The following DYNC2H1 variants were observed in gnomAD, a reference collection of about 807,000 sequenced individuals.
The protein encoded by DYNC2H1 is dynein cytoplasmic 2 heavy chain 1, also known as cytoplasmic dynein 2 heavy chain 1.
A neutral mutation model predicts 570.0 loss-of-function variants in DYNC2H1; 410 were observed. That is an observed-to-expected ratio of 0.72 (90% CI 0.66 to 0.78). The LOEUF is 0.78. Among genes scored for constraint, DYNC2H1 ranks in the 30% least tolerant of loss-of-function variants. The pLI, the probability that DYNC2H1 is intolerant of heterozygous loss-of-function variation, is 0.00. For missense variants in DYNC2H1, 4,865 were observed against 5,046.4 expected (o/e 0.96, Z 1.09); for synonymous variants, 1,688 against 1,677.6 (o/e 1.01, Z -0.15).
intron 79 of DYNC2H1, among the ~76,000 whole-genome samples, chr11:103,315,740 A>G (rs1937788679): frequency 6.6e-6 from 1 of 151,672 alleles, no homozygotes. Flanking sequence ...TTACAGTTGC[A>G]TATGTATTTG....
intron 84 of DYNC2H1, among the ~76,000 whole-genome samples, chr11:103,427,158 A>G (rs565313987): frequency 1.3e-5 from 2 of 152,198 alleles, no homozygotes; most frequent in Non-Finnish European, 2.9e-5. Context: ...ACATGCCTAC[A>G]TACATACATA....
intron 83 of DYNC2H1, among the ~76,000 whole-genome samples, chr11:103,379,744 T>C (rs1229041261): frequency 1.3e-5 from 2 of 152,228 alleles, no homozygotes; most frequent in African/African-American, 4.8e-5. Flanking sequence ...GTGAGGACTT[T>C]CTAAATGCTC....
chr11:103,431,406 A>G (rs1433236587), intron 84 of DYNC2H1, among the ~76,000 whole-genome samples: 2 of 151,988 alleles, frequency 1.3e-5, no homozygotes, highest in Admixed American at 1.3e-4. Context: ...TGGACTCTAG[A>G]GCCAAGTTAC....
At chr11:103,372,035 T>C (rs1252154748) in intron 83 of DYNC2H1, among the ~76,000 whole-genome samples, 7 of 84,732 alleles carry the variant, frequency 8.3e-5, no homozygotes, top group Non-Finnish European at 1.3e-4. Flanking sequence ...TCTTGTTCTT[T>C]TTTTTTTTTT....
chr11:103,227,736 G>A (rs1863855053), intron 59 of DYNC2H1, among the ~76,000 whole-genome samples: 1 of 152,100 alleles, frequency 6.6e-6, no homozygotes, highest in Admixed American at 6.6e-5. Flanking sequence ...TTATTTCTTT[G>A]TTGACTTTCT....
chr11:103,440,396 A>AG (rs1442745190), intron 85 of DYNC2H1, among the ~76,000 whole-genome samples: 5 of 152,142 alleles, frequency 3.3e-5, no homozygotes, highest in African/African-American at 1.2e-4. Flanking sequence ...TTTAGTTTTA[A>AG]GATCCACAGT....
At position 103,363,731 on chromosome 11, in the gene DYNC2H1, G is replaced by T. The variant is rs1180596080; in HGVS notation, c.12156+5372G>T. Among the ~76,000 whole-genome samples, 1 of 152,180 alleles carries T rather than the reference G, an allele frequency of 6.6e-6. No homozygotes were observed. The highest frequency in any genetic ancestry group is 2.1e-4 in the South Asian group (1 of 4,828). On this transcript the variant is annotated intron_variant, in intron 83 of 88. Transcript: ENST00000375735. This position sits in a 1 kb window ranked among gnomAD's most constrained non-coding sequence, Gnocchi z 5.6. The stretch of plus-strand genomic sequence containing the variant: ...AAATATAAATTAAGTCTACATTACT[G>T]ATTGTGACTAATAATTTAAGGCATC...
At chr11:103,471,744 C>G (rs184573948) in intron 88 of DYNC2H1, among the ~76,000 whole-genome samples, 2 of 152,052 alleles carry the variant, frequency 1.3e-5, no homozygotes, top group African/African-American at 4.8e-5. Flanking sequence ...CCTGGGGTTA[C>G]GAAGATAAAC....
intron 84 of DYNC2H1, among the ~76,000 whole-genome samples, chr11:103,415,595 A>G (rs1423723674): frequency 6.6e-6 from 1 of 152,186 alleles, no homozygotes; most frequent in South Asian, 2.1e-4. Flanking sequence ...CAAAACCACA[A>G]TGAGATACCA....
rs766828917 is a variant in DYNC2H1, at chr11:103,176,375, C to T, written c.5815C>T (p.Leu1939=). The T allele has an allele frequency of 1.3e-6, 2 of 1,593,902 alleles. No individual in the cohort carries two copies. The highest frequency in any genetic ancestry group is 2.3e-5 in the East Asian group (1 of 44,006). Residue 1939 remains leucine (L), a synonymous_variant, in exon 37 of 89, where the codon CTA becomes TTA. Coordinates refer to ENST00000375735, the MANE Select transcript of DYNC2H1 (RefSeq NM_001377.3). ...ATTGAAAGAAGTGGAATATGATGAA[C>T]TAAGTGCTGCATTAAAGCAGGTCTT... ...IELKEVEYDE[L]SAALKQVFEE... is the part of the protein sequence containing the mutation.
chr11:103,138,912 A>C (rs1307613729), intron 17 of DYNC2H1, among the ~76,000 whole-genome samples: 1 of 151,822 alleles, frequency 6.6e-6, no homozygotes, highest in African/African-American at 2.4e-5. Flanking sequence ...GTCTATTCAG[A>C]GATTCAACTT....
intron 82 of DYNC2H1, among the ~76,000 whole-genome samples, chr11:103,339,265 C>T (rs1043292288): frequency 1.3e-5 from 2 of 151,992 alleles, no homozygotes; most frequent in African/African-American, 4.8e-5. Context: ...CATTAGAACA[C>T]CATGAAAGCC....
chr11:103,220,827 GAC>G (rs760415128), intron 57 of DYNC2H1, 44 bp downstream of exon 57: 1 of 1,538,758 alleles, frequency 6.5e-7, no homozygotes, highest in Non-Finnish European at 8.9e-7. Context: ...GGCAATGAAT[GAC>G]ACATTCTTTC....
chr11:103,407,061 G>A (rs1012122858), intron 84 of DYNC2H1: 3 of 151,708 alleles, frequency 2.0e-5, no homozygotes, highest in African/African-American at 7.3e-5. Context: ...GTGTAAGGAA[G>A]TATTTGGTGG....
At chr11:103,403,444 C>A (rs564703706) in intron 84 of DYNC2H1, 1 of 151,880 alleles carries the variant, frequency 6.6e-6, no homozygotes, top group African/African-American at 2.4e-5. Context: ...AGGTGTAGAC[C>A]CCTCAGTCTT....
rs1338756055 is a variant in DYNC2H1, at chr11:103,134,326, T to C, written c.2112T>C (p.Val704=). 6.2e-7 allele frequency: 1 copy of C among 1,612,850 alleles called. No individual in the cohort carries two copies. The highest frequency in any genetic ancestry group is 8.5e-7 in the Non-Finnish European group (1 of 1,179,108). ...CATGCTCTAATTTTTCATAGGTGGT[T>C]GTTCTTATGAATATTGATCTGCTTC... is the stretch of plus-strand genomic sequence containing the variant. ...KWHTTFCEKV[V]VLMNIDLLRQ... Residue 704 remains valine (V), a synonymous_variant, in exon 15 of 89, where the codon GTT becomes GTC. Coordinates refer to ENST00000375735, the MANE Select transcript of DYNC2H1 (RefSeq NM_001377.3).
Position 103,120,483 on chromosome 11 carries a change from T to G in DYNC2H1, c.1036T>G (p.Tyr346Asp). The G allele has an allele frequency of 1.2e-6, 2 of 1,612,578 alleles. No homozygotes were observed. The highest frequency in any genetic ancestry group is 1.7e-6 in the Non-Finnish European group (2 of 1,179,090). The change falls in exon 7 of 89, where the codon TAT becomes GAT. Residue 346 changes from tyrosine to aspartate, a missense_variant. Tyr to Asp is a radical substitution (Grantham distance 160, BLOSUM62 -3). Around this residue, in one of 5 missense-constraint regions of DYNC2H1, gnomAD observed 1,936 missense variants for 1,962.1 expected, o/e 0.99. Transcript: ENST00000375735. ...TAGAACAATTCATGAGAAGTTTCTC[T>G]ATTTTCTACCTGCCAGTGAAGAGAA... ...AIRTIHEKFL[Y>D]FLPASEEKII... is the part of the protein sequence containing the mutation.
At position 103,204,986 on chromosome 11, in the gene DYNC2H1, A is replaced by G; in HGVS notation, c.8454+22A>G. ...GAAAGTAAGTTTAACAAATATTAAA[A>G]AATTTAAAAGCACATTTTATTTTTG... On this transcript the variant is annotated intron_variant, in intron 52 of 88. Coordinates refer to ENST00000375735, the MANE Select transcript of DYNC2H1 (RefSeq NM_001377.3). The surrounding 1 kb of genome is among the most constrained non-coding windows in gnomAD (Gnocchi z 4.1). 6.5e-7 allele frequency: 1 copy of G among 1,538,882 alleles called. No individual in the cohort carries two copies. Among genetic ancestry groups the G allele is most frequent in the Non-Finnish European group, 8.7e-7 (1 of 1,143,218 alleles).
chr11:103,473,223 C>T (rs900051167), intron 88 of DYNC2H1, among the ~76,000 whole-genome samples: 1 of 151,536 alleles, frequency 6.6e-6, no homozygotes, highest in Non-Finnish European at 1.5e-5. Flanking sequence ...TTTCTGTTTA[C>T]CATTATCTAT....
Sources: gnomAD v4.1 joint callset for allele counts (sites outside exome capture counted in the v4.1 genomes callset) on GRCh38, gnomAD v4.1.1 for gene constraint, gnomAD v4.1.1 regional missense constraint, Gnocchi (gnomAD v3.1) non-coding constraint, MANE v1.5 for transcripts, NCBI Gene and HGNC (gene_info 2026-07-23, HGNC 2026-07-21) for gene names.